The following EFR3B variants were observed in gnomAD, a reference collection of about 807,000 sequenced individuals.
EFR3B encodes the protein protein EFR3 homolog B.
A neutral mutation model predicts 104.7 loss-of-function variants in EFR3B; 64 were observed. The ratio of observed to expected loss-of-function variants is 0.61; its 90% CI spans 0.50 to 0.75. EFR3B has a LOEUF of 0.75. EFR3B is among the 30% of genes least tolerant of loss of function. EFR3B has a pLI of 0.00. For missense variants in EFR3B, 750 were observed against 1,078.5 expected (o/e 0.70, Z 4.27); for synonymous variants, 385 against 417.9 (o/e 0.92, Z 0.96).
At chr2:25,125,106 C>G (rs982450610) in intron 5 of EFR3B, among the ~76,000 whole-genome samples, 4 of 152,192 alleles carry the variant, frequency 2.6e-5, no homozygotes, top group Admixed American at 1.3e-4. Context: ...CTTCCTCCCC[C>G]TCCAGGCCTG....
chr2:25,098,815 T>C (rs1346373603), intron 3 of EFR3B, among the ~76,000 whole-genome samples: 2 of 147,372 alleles, frequency 1.4e-5, no homozygotes, highest in Admixed American at 1.4e-4. Flanking sequence ...CACTTTCCAC[T>C]CCTGGTAAGT....
chr2:25,115,611 C>T lies in EFR3B; in HGVS notation c.364-6062C>T, dbSNP rs921672937. Among the ~76,000 whole-genome samples the T allele has an allele frequency of 1.3e-4, 20 of 152,140 alleles. 1 individual carries two copies. The highest frequency in any genetic ancestry group is 2.4e-5 in the African/African-American group (1 of 41,438). ...ACCTTATATGGAAACAGGGTCTTGG[C>T]GGCTGTGATTAAATTAAGGACTAAC... On this transcript the variant is annotated intron_variant, in intron 4 of 22. Coordinates refer to ENST00000403714, the MANE Select transcript of EFR3B (RefSeq NM_014971.2).
Position 25,093,237 on chromosome 2 carries a change from G to A in EFR3B, c.212+107G>A, listed in dbSNP as rs1342157217. 10 of 1,410,300 alleles carry A rather than the reference G, an allele frequency of 7.1e-6. 1 individual carries two copies. Among genetic ancestry groups the A allele is most frequent in the Non-Finnish European group, 9.4e-6 (10 of 1,061,110 alleles). 87.4% of individuals were successfully genotyped at this position (1,410,300 alleles called of 1,614,324 possible). A position where few individuals can be genotyped will look rare whatever the true frequency, so the allele number is the denominator to read the frequency against. ...TGGCCAGGCAGAGTGGCTCACGCCT[G>A]TAATCCCAGCGCTTTGGGAGGTCAA... On this transcript the variant is annotated intron_variant, in intron 3 of 22. Coordinates refer to ENST00000403714, the MANE Select transcript of EFR3B (RefSeq NM_014971.2).
In EFR3B at chr2:25,133,413, G is replaced by A. The variant is rs778802290; in HGVS notation, c.1290G>A (p.Met430Ile). The A allele has an allele frequency of 6.4e-7, 1 of 1,552,356 alleles. No homozygotes were observed. The highest frequency in any genetic ancestry group is 1.2e-5 in the South Asian group (1 of 84,052). Residue 430 changes from methionine to isoleucine, a missense_variant, in exon 12 of 23, where the codon ATG becomes ATA. By Grantham distance (10) the Met-to-Ile change is conservative. Coordinates refer to ENST00000403714, the MANE Select transcript of EFR3B (RefSeq NM_014971.2). ...ATAGGAACCGTCTGACCCAGATTATGCTGCTAAAATCCCTCCTGCAGGTGA... is the reference window on the plus strand; with the variant it reads ...ATAGGAACCGTCTGACCCAGATTATACTGCTAAAATCCCTCCTGCAGGTGA... ...GENRNRLTQI[M>I]LLKSLLQVST...
Position 25,156,287 on chromosome 2 carries a change from C to CTTTTTTTT in EFR3B, c.*1949_*1950insTTTTTTTT, listed in dbSNP as rs1553399103. ...TGCTGTGGGCACACAGCTTCTTTTTCTTGTTTTTTTTTTTTTTTTTTTTTT... is the reference window on the plus strand; with the variant it reads ...TGCTGTGGGCACACAGCTTCTTTTTCTTTTTTTTTTGTTTTTTTTTTTTTTTTTTTTTT... On this transcript the variant is annotated 3_prime_UTR_variant, in exon 23 of 23. Transcript: ENST00000403714. 1.0e-5 allele frequency: 1 copy of CTTTTTTTT among 97,242 alleles called. No homozygotes were observed. The highest frequency in any genetic ancestry group is 2.0e-5 in the Non-Finnish European group (1 of 49,460). The allele number at this position is 97,242 out of a possible 1,614,324, so 6.0% of individuals were successfully genotyped here. A position where few individuals can be genotyped will look rare whatever the true frequency, so the allele number is the denominator to read the frequency against.
intron 5 of EFR3B, among the ~76,000 whole-genome samples, chr2:25,127,040 A>G (rs1433234424): frequency 2.0e-5 from 3 of 151,752 alleles, no homozygotes; most frequent in Admixed American, 1.3e-4. Flanking sequence ...AAAAATACAA[A>G]AATTAGCCGG....
At chr2:25,045,238 C>T (rs1182492435) in intron 1 of EFR3B, among the ~76,000 whole-genome samples, 3 of 152,124 alleles carry the variant, frequency 2.0e-5, no homozygotes, top group Non-Finnish European at 2.9e-5. Context: ...AGTGCCAAGC[C>T]GCTGAGCCAC....
intron 1 of EFR3B, among the ~76,000 whole-genome samples, chr2:25,064,935 C>A (rs1274656431): frequency 6.6e-6 from 1 of 152,162 alleles, no homozygotes; most frequent in Admixed American, 6.5e-5. Flanking sequence ...AGCTACCAAA[C>A]ACATTTTGGA....
chr2:25,110,011 C>T (rs1669681541), intron 4 of EFR3B, among the ~76,000 whole-genome samples: 1 of 152,106 alleles, frequency 6.6e-6, no homozygotes, highest in African/African-American at 2.4e-5. Flanking sequence ...GAGGGCGGCT[C>T]CCCTGTGGCA....
rs868324798 is a variant in EFR3B, at chr2:25,145,082, C to T, written c.2142+31C>T. On this transcript the variant is annotated intron_variant, in intron 19 of 22. Transcript: ENST00000403714. ...TGTCCGTGCCACCGTCCTGGGGCAG[C>T]CCCACCTCCTGTAGATTGGACGCTG... 3.9e-6 allele frequency: 6 copies of T among 1,542,322 alleles called. No individual in the cohort carries two copies. The African/African-American group carries it at 8.2e-5, about 21-fold the overall frequency.
intron 3 of EFR3B, among the ~76,000 whole-genome samples, chr2:25,097,225 GC>G (rs1304404522): frequency 6.6e-6 from 1 of 152,138 alleles, no homozygotes; most frequent in Non-Finnish European, 1.5e-5. Flanking sequence ...AGCCATTGTA[GC>G]CTCTAAGTAT....
chr2:25,087,054 T>TA (rs1668971069), intron 1 of EFR3B, among the ~76,000 whole-genome samples: 1 of 152,108 alleles, frequency 6.6e-6, no homozygotes. Context: ...TCAGGAAACT[T>TA]ACAATTACGG....
rs532841826 is a variant in EFR3B, at chr2:25,084,459, G to A, written c.8-6866G>A. Among the ~76,000 whole-genome samples the A allele has an allele frequency of 9.2e-5, 14 of 152,108 alleles. No homozygotes were observed. In the East Asian group the frequency reaches 2.3e-3, roughly 25 times the overall value. ...TCACCATGTTGGCCAGGCTGGTCTC[G>A]AACTCCTGATCTCACGTGATCCACC... On this transcript the variant is annotated intron_variant, in intron 1 of 22. Transcript: ENST00000403714.
At position 25,117,707 on chromosome 2, in the gene EFR3B, C is replaced by T. The variant is rs13393774; in HGVS notation, c.364-3966C>T. Among the ~76,000 whole-genome samples the T allele has an allele frequency of 5.5e-3, 833 of 151,990 alleles. 4 individuals carry two copies. The highest frequency in any genetic ancestry group is 0.019 in the African/African-American group (794 of 41,462). On this transcript the variant is annotated intron_variant, in intron 4 of 22. Transcript: ENST00000403714. The stretch of plus-strand genomic sequence containing the variant: ...GATTACAGGCATGAGCCACCGTGCC[C>T]GGCTCCTCTTAATAAAATAATACTA...
At position 25,059,290 on chromosome 2, in the gene EFR3B, G is replaced by A. The variant is rs150264187; in HGVS notation, c.7+16971G>A. Among the ~76,000 whole-genome samples, 315 of 152,018 alleles carry A rather than the reference G, an allele frequency of 2.1e-3. 9 individuals are homozygous for A. The East Asian group carries it at 0.051, about 25-fold the overall frequency. On this transcript the variant is annotated intron_variant, in intron 1 of 22. Transcript: ENST00000403714. ...TAAGAGATGGGGTTACACCATGTTG[G>A]TCAGGCTGGTCTCGATCTCCTGACC...
chr2:25,141,262 G>A, intron 16 of EFR3B, 104 bp from the exon 17 acceptor site: 1 of 1,219,650 alleles, frequency 8.2e-7, no homozygotes, highest in Non-Finnish European at 1.1e-6. Flanking sequence ...TGAGGAGGCT[G>A]TGGGAGGGAG....
intron 1 of EFR3B, among the ~76,000 whole-genome samples, chr2:25,083,752 T>A (rs1299204386): frequency 6.6e-6 from 1 of 152,174 alleles, no homozygotes; most frequent in Non-Finnish European, 1.5e-5. Flanking sequence ...AGAGCTAGAA[T>A]TTCATCCTAA....
At chr2:25,081,328 C>T (rs965643643) in intron 1 of EFR3B, 4 of 888,878 alleles carry the variant, frequency 4.5e-6, no homozygotes, top group African/African-American at 3.3e-5. Flanking sequence ...TCTTTTGAAC[C>T]TGCTTCTTAC....
At position 25,042,191 on chromosome 2, in the gene EFR3B, C is replaced by G; in HGVS notation, c.-122C>G. Reference sequence around the variant, plus strand: ...CCCCCGCGTCTGCTCCCTCCCCGCCCGGGCCCCTGTCGGCCGCCGCCAGTC... The same window carrying G: ...CCCCCGCGTCTGCTCCCTCCCCGCCGGGGCCCCTGTCGGCCGCCGCCAGTC... On this transcript the variant is annotated 5_prime_UTR_variant, in exon 1 of 23. Coordinates refer to ENST00000403714, the MANE Select transcript of EFR3B (RefSeq NM_014971.2). This position sits in a 1 kb window ranked among gnomAD's most constrained non-coding sequence, Gnocchi z 5.4. 1 of 1,021,878 alleles carries G rather than the reference C, an allele frequency of 9.8e-7. No individual in the cohort carries two copies. The highest frequency in any genetic ancestry group is 1.2e-6 in the Non-Finnish European group (1 of 805,852). 63.3% of individuals were successfully genotyped at this position (1,021,878 alleles called of 1,614,324 possible).
Sources: gnomAD v4.1 joint callset for allele counts (sites outside exome capture counted in the v4.1 genomes callset) on GRCh38, gnomAD v4.1.1 for gene constraint, Gnocchi (gnomAD v3.1) non-coding constraint, MANE v1.5 for transcripts, NCBI Gene and HGNC (gene_info 2026-07-23, HGNC 2026-07-21) for gene names.